Variants in AMPD1 observed in about 807,000 individuals in gnomAD.
AMPD1 encodes adenosine monophosphate deaminase 1, also known as AMP deaminase 1.
Under a neutral mutation model 82.9 loss-of-function variants are expected in AMPD1, and 74 were observed. The ratio of observed to expected loss-of-function variants is 0.89; its 90% CI spans 0.74 to 1.08. The LOEUF (loss-of-function observed/expected upper bound fraction) is 1.08. Among genes scored for constraint, AMPD1 ranks in the 50% least tolerant of loss-of-function variants. The probability of loss-of-function intolerance (pLI) is 0.00; values close to 1 mark genes in which losing one functional copy is unlikely to be tolerated. For synonymous variants in AMPD1, 333 were observed against 320.5 expected (o/e 1.04, Z -0.42); for missense variants, 881 against 924.5 (o/e 0.95, Z 0.61).
intron 2 of AMPD1, 88 bp downstream of exon 2, chr1:114,693,345 GAAA>G: frequency 7.7e-7 from 1 of 1,306,980 alleles, no homozygotes. Flanking sequence ...AAACACTGCT[GAAA>G]AATAGCCATG....
At chr1:114,694,300 T>C (rs1453405310) in intron 1 of AMPD1, among the ~76,000 whole-genome samples, 1 of 151,046 alleles carries the variant, frequency 6.6e-6, no homozygotes, top group African/African-American at 2.4e-5. Context: ...ATTAAGAAAA[T>C]AGAATATGCA....
intron 1 of AMPD1, among the ~76,000 whole-genome samples, chr1:114,693,707 T>A (rs1397468899): frequency 6.6e-6 from 1 of 152,226 alleles, no homozygotes; most frequent in Non-Finnish European, 1.5e-5. Flanking sequence ...AAAATATGAT[T>A]TTTAAAAATA....
intron 5 of AMPD1, chr1:114,683,268 C>T (rs967008373): frequency 2.5e-5 from 8 of 316,964 alleles, no homozygotes; most frequent in African/African-American, 1.3e-4. Context: ...GAGACTTGGG[C>T]ATGTGGTGAA....
intron 2 of AMPD1, among the ~76,000 whole-genome samples, chr1:114,692,750 ACAATT>A (rs1276586779): frequency 1.4e-5 from 2 of 140,994 alleles, no homozygotes; most frequent in Non-Finnish European, 3.1e-5. Flanking sequence ...AAAATGAACA[ACAATT>A]TTTTTTTTTT....
intron 5 of AMPD1, among the ~76,000 whole-genome samples, chr1:114,682,709 G>A (rs1472877464): frequency 1.3e-5 from 2 of 152,038 alleles, no homozygotes; most frequent in Non-Finnish European, 2.9e-5. Context: ...CTCCGGAGTA[G>A]CTGGGACTAC....
In AMPD1 at chr1:114,686,902, C is replaced by A. The variant is rs61738827; in HGVS notation, c.224G>T (p.Arg75Leu). ...STSTEARRKK[R>L]FQGRKTVNLS... ...ATTAACAGTCTTCCGTCCTTGGAAACGCTTTTTTCTGGGTTCGAAATTTAA... is the reference window on the plus strand; with the variant it reads ...ATTAACAGTCTTCCGTCCTTGGAAAAGCTTTTTTCTGGGTTCGAAATTTAA... Residue 75 changes from arginine to leucine, a missense_variant, in exon 4 of 16, where the codon CGT (arginine) becomes CTT (leucine). Arg to Leu is a moderately radical substitution (Grantham distance 102). Transcript: ENST00000520113. The A allele has an allele frequency of 1.5e-5, 25 of 1,614,050 alleles. No homozygotes were observed. Among genetic ancestry groups the A allele is most frequent in the Admixed American group, 5.0e-5 (3 of 59,988 alleles).
chr1:114,695,236 A>G (rs1658640880), intron 1 of AMPD1, among the ~76,000 whole-genome samples: 1 of 152,196 alleles, frequency 6.6e-6, no homozygotes, highest in Non-Finnish European at 1.5e-5. Flanking sequence ...TGCAATATAC[A>G]TGATAACAGT....
chr1:114,679,500 C>T, intron 7 of AMPD1, 79 bp downstream of exon 7: 1 of 1,571,120 alleles, frequency 6.4e-7, no homozygotes, highest in Non-Finnish European at 8.7e-7. Flanking sequence ...ATCAGAAACA[C>T]ACTCTTTTCT....
intron 5 of AMPD1, among the ~76,000 whole-genome samples, chr1:114,680,932 C>A (rs1658141146): frequency 6.6e-6 from 1 of 152,130 alleles, no homozygotes; most frequent in South Asian, 2.1e-4. Flanking sequence ...AGCACCACTG[C>A]ACTCCAGCCT....
At chr1:114,691,156 A>G (rs192324905) in intron 2 of AMPD1, among the ~76,000 whole-genome samples, 10 of 152,316 alleles carry the variant, frequency 6.6e-5, no homozygotes, top group Admixed American at 3.3e-4. Context: ...ACCAGAAATT[A>G]TATGGTTGAT....
intron 9 of AMPD1, 107 bp downstream of exon 9, chr1:114,677,803 T>TTCCTTCCG (rs1658040533): frequency 2.0e-5 from 4 of 197,502 alleles, no homozygotes; most frequent in African/African-American, 1.1e-4. Context: ...CTCTCCCTCC[T>TTCCTTCCG]TCCTTCCTTC....
intron 4 of AMPD1, 68 bp from the exon 5 acceptor site, chr1:114,684,432 T>C (rs1658254720): frequency 6.5e-7 from 1 of 1,534,850 alleles, no homozygotes. Flanking sequence ...GAGTAAAGCT[T>C]ATCCTTGGCA....
Position 114,684,512 on chromosome 1 carries a change from C to T in AMPD1, c.382-148G>A. The T allele has an allele frequency of 3.7e-6, 3 of 811,694 alleles. No individual in the cohort carries two copies. In the South Asian group the frequency reaches 4.5e-5, roughly 12 times the overall value. The allele number at this position is 811,694 out of a possible 1,614,324, so 50.3% of individuals were successfully genotyped here. ...ACTCACCTGGCTGCTTCTTAATTGACTTGGGACCTGGATCTCCCTCCCAGA... is the reference window on the plus strand; with the variant it reads ...ACTCACCTGGCTGCTTCTTAATTGATTTGGGACCTGGATCTCCCTCCCAGA... On this transcript the variant is annotated intron_variant, in intron 4 of 15. Transcript: ENST00000520113.
Position 114,686,883 on chromosome 1 carries a change from A to C in AMPD1, c.243T>G (p.Thr81=), listed in dbSNP as rs115655141. 1.1e-3 allele frequency: 1,791 copies of C among 1,614,238 alleles called. 23 individuals carry two copies. The African/African-American group carries it at 0.021, about 19-fold the overall frequency. The change falls in exon 4 of 16, where the codon ACT becomes ACG. Residue 81 remains threonine (T), a synonymous_variant. Transcript: ENST00000520113. The part of the protein sequence containing the change: ...RRKKRFQGRK[T]VNLSIPLSET... The stretch of plus-strand genomic sequence containing the variant: ...CACTTAGTGGAATGGACAAATTAAC[A>C]GTCTTCCGTCCTTGGAAACGCTTTT...
At chr1:114,691,371 A>G (rs1458170732) in intron 2 of AMPD1, among the ~76,000 whole-genome samples, 4 of 151,334 alleles carry the variant, frequency 2.6e-5, no homozygotes, top group Non-Finnish European at 2.9e-5. Context: ...GAGCCTGGGC[A>G]ACATAGTGAG....
intron 3 of AMPD1, among the ~76,000 whole-genome samples, chr1:114,687,602 G>A (rs1163108825): frequency 6.6e-6 from 1 of 152,052 alleles, no homozygotes; most frequent in Non-Finnish European, 1.5e-5. Flanking sequence ...TAAGGAGGGG[G>A]TTCCAGCAAA....
At chr1:114,685,702 A>G (rs1658296388) in intron 4 of AMPD1, among the ~76,000 whole-genome samples, 2 of 152,208 alleles carry the variant, frequency 1.3e-5, no homozygotes, top group South Asian at 4.1e-4. Flanking sequence ...GCATGCAGGT[A>G]TGAAGTTTAT....
chr1:114,688,841 G>T, intron 2 of AMPD1, 100 bp from the exon 3 acceptor site: 4 of 1,346,852 alleles, frequency 3.0e-6, no homozygotes, highest in Non-Finnish European at 4.3e-6. Context: ...TGTGCTGCGT[G>T]CATGGCTCTC....
intron 13 of AMPD1, 53 bp downstream of exon 13, chr1:114,674,699 A>G: frequency 3.1e-6 from 5 of 1,591,968 alleles, no homozygotes; most frequent in Non-Finnish European, 4.3e-6. Flanking sequence ...GTTAAGGGAA[A>G]AAAGATTCCT....
Sources: gnomAD v4.1 joint callset for allele counts (sites outside exome capture counted in the v4.1 genomes callset) on GRCh38, gnomAD v4.1.1 for gene constraint, MANE v1.5 for transcripts, NCBI Gene and HGNC (gene_info 2026-07-23, HGNC 2026-07-21) for gene names.